RGS8: variants seen among roughly 807,000 people sequenced by gnomAD.
The protein encoded by RGS8 is regulator of G-protein signaling 8.
In RGS8, 8 loss-of-function variants were observed where a neutral mutation model predicts 21.7. The ratio of observed to expected loss-of-function variants is 0.37; its 90% CI spans 0.22 to 0.66. The LOEUF is 0.66. RGS8 is among the 30% of genes least tolerant of loss of function. The pLI is 0.59. For synonymous variants in RGS8, 80 were observed against 83.6 expected (o/e 0.96, Z 0.24); for missense variants, 157 against 217.9 (o/e 0.72, Z 1.76).
the RGS8 span, among the ~76,000 whole-genome samples, chr1:182,711,398 A>G: frequency 6.6e-6 from 1 of 152,172 alleles, no homozygotes; most frequent in Non-Finnish European, 1.5e-5. Context: ...GTCCTTTTCA[A>G]AATGACACAG....
the RGS8 span, among the ~76,000 whole-genome samples, chr1:182,716,281 A>C: frequency 6.6e-6 from 1 of 151,892 alleles, no homozygotes; most frequent in Non-Finnish European, 1.5e-5. Flanking sequence ...GTACGCCACC[A>C]TGCCTGGCTA....
upstream of RGS8, chr1:182,672,016 G>T: frequency 1.1e-6 from 1 of 902,986 alleles, no homozygotes; most frequent in Non-Finnish European, 1.5e-6. Context: ...GTGCCCCTGA[G>T]CTGAGCTCAG....
In RGS8 at chr1:182,661,151, C is replaced by T. The variant is rs1289069393; in HGVS notation, c.193+4818G>A. 5.3e-5 allele frequency among the ~76,000 whole-genome samples: 8 copies of T among 151,572 alleles called. 1 individual carries two copies. The highest frequency in any genetic ancestry group is 1.9e-4 in the African/African-American group (8 of 41,184). ...AGCTCCAGTCATTATATTTTTATAT[C>T]TCAACCATTATCTCAAAAGGGGCTA... is the stretch of plus-strand genomic sequence containing the variant. On this transcript the variant is annotated intron_variant, in intron 5 of 6. Transcript: ENST00000483095.
At chr1:182,690,747 G>T in the RGS8 span, among the ~76,000 whole-genome samples, 1 of 152,186 alleles carries the variant, frequency 6.6e-6, no homozygotes, top group Non-Finnish European at 1.5e-5. Flanking sequence ...GATTGTTGAA[G>T]TGATGGCCCT....
intron 5 of RGS8, among the ~76,000 whole-genome samples, chr1:182,660,118 T>C (rs1001783630): frequency 2.6e-5 from 4 of 152,194 alleles, no homozygotes; most frequent in African/African-American, 9.6e-5. Context: ...ATAATTAGAA[T>C]AGTTATTTTT....
chr1:182,651,013 G>A (rs190386934), intron 5 of RGS8, among the ~76,000 whole-genome samples: 20 of 152,222 alleles, frequency 1.3e-4, no homozygotes, highest in Admixed American at 3.3e-4. Context: ...TGAGAGTAAC[G>A]TAATTTAGAC....
In RGS8 at chr1:182,671,640, G is replaced by A. The variant is rs746237760; in HGVS notation, c.-104+17C>T. ...GACACCCCGGAGAAGAAAGAGAAAAGCAAAGGCAATACTCACTGTCTTTGG... is the reference window on the plus strand; with the variant it reads ...GACACCCCGGAGAAGAAAGAGAAAAACAAAGGCAATACTCACTGTCTTTGG... On this transcript the variant is annotated intron_variant, in intron 2 of 6. Transcript: ENST00000483095. 334 of 1,611,366 alleles carry A rather than the reference G, an allele frequency of 2.1e-4. 1 individual carries two copies. In the Admixed American group the frequency reaches 5.5e-3, roughly 27 times the overall value.
the RGS8 span, among the ~76,000 whole-genome samples, chr1:182,704,645 G>A: frequency 6.6e-6 from 1 of 152,316 alleles, no homozygotes; most frequent in Non-Finnish European, 1.5e-5. Context: ...CCATTTCCAT[G>A]GTGGAAAGAG....
the RGS8 span, among the ~76,000 whole-genome samples, chr1:182,698,780 C>A: frequency 1.3e-5 from 2 of 152,116 alleles, no homozygotes; most frequent in Non-Finnish European, 2.9e-5. Context: ...CAGAGTTGCC[C>A]CAGCTAGAGT....
the RGS8 span, among the ~76,000 whole-genome samples, chr1:182,740,854 A>G: frequency 3.3e-5 from 5 of 152,028 alleles, no homozygotes; most frequent in East Asian, 3.9e-4. Context: ...CATGTTTCAG[A>G]GAGCACAGGG....
upstream of RGS8, among the ~76,000 whole-genome samples, chr1:182,673,286 C>A (rs1483296215): frequency 6.6e-6 from 1 of 152,188 alleles, no homozygotes; most frequent in East Asian, 1.9e-4. Flanking sequence ...TGTCACTCAA[C>A]AATCCTATGC....
chr1:182,667,853 T>A (rs2102438458), intron 3 of RGS8, among the ~76,000 whole-genome samples: 1 of 148,982 alleles, frequency 6.7e-6, no homozygotes, highest in South Asian at 2.1e-4. Context: ...TATGTTTAAT[T>A]TTTTTTTTTT....
At chr1:182,688,357 GCTCTCT>G (rs57313959), upstream of RGS8, among the ~76,000 whole-genome samples, 57 of 147,370 alleles carry the variant, frequency 3.9e-4, no homozygotes, top group Admixed American at 2.0e-3. Flanking sequence ...TCTCTCGCTC[GCTCTCT>G]CTCTCTCTCT....
downstream of RGS8, chr1:182,642,934 T>TG (rs1662530885): frequency 6.6e-6 from 1 of 152,040 alleles, no homozygotes; most frequent in Non-Finnish European, 1.5e-5. Context: ...ACCACTTGAG[T>TG]GGGGGTTCCA....
At chr1:182,691,293 T>C in the RGS8 span, among the ~76,000 whole-genome samples, 1 of 152,218 alleles carries the variant, frequency 6.6e-6, no homozygotes, top group Non-Finnish European at 1.5e-5. Context: ...GCTCTCTTCC[T>C]TGAACACCAA....
the RGS8 span, among the ~76,000 whole-genome samples, chr1:182,719,710 T>A: frequency 0.047 from 7,088 of 151,116 alleles, 225 homozygotes; most frequent in East Asian, 0.11. Flanking sequence ...ATTATAGGCA[T>A]GAGCCACCAC....
the RGS8 span, among the ~76,000 whole-genome samples, chr1:182,721,048 T>TGTGTGTATATATAC: frequency 3.4e-3 from 243 of 70,712 alleles, 13 homozygotes; most frequent in African/African-American, 4.5e-3. Flanking sequence ...TACATATACA[T>TGTGTGTATATATAC]ACATATATAT....
chr1:182,733,787 A>G, the RGS8 span: 16,251 of 152,232 alleles, frequency 0.11, 938 homozygotes, highest in African/African-American at 0.14. Context: ...AACAGGCACA[A>G]CACTGACAGA....
At chr1:182,724,231 T>G in the RGS8 span, among the ~76,000 whole-genome samples, 118 of 128,490 alleles carry the variant, frequency 9.2e-4, 5 homozygotes, top group Admixed American at 1.5e-3. Context: ...TATATATATA[T>G]ATATATATAT....
Sources: allele counts gnomAD v4.1 joint callset (sites outside exome capture counted in the v4.1 genomes callset), GRCh38; gene constraint gnomAD v4.1.1; transcripts MANE v1.5; gene names NCBI Gene and HGNC (gene_info 2026-07-23, HGNC 2026-07-21).